SRF: variants seen among roughly 807,000 people sequenced by gnomAD.
The protein encoded by SRF is c-fos serum response element-binding transcription factor.
SRF carries 7 observed loss-of-function variants against 37.1 expected under a neutral mutation model. That is an observed-to-expected ratio of 0.19 (90% CI 0.11 to 0.35). The LOEUF (loss-of-function observed/expected upper bound fraction) is 0.35. Among genes scored for constraint, SRF ranks in the 10% least tolerant of loss-of-function variants. The pLI is 1.00. For synonymous variants in SRF, 285 were observed against 310.1 expected (o/e 0.92, Z 0.85); for missense variants, 395 against 694.4 (o/e 0.57, Z 4.85).
At position 43,175,710 on chromosome 6, in the gene SRF, C is replaced by T. The variant is rs772854310; in HGVS notation, c.785C>T (p.Thr262Ile). ...TCATCTTTACTCTGGGTATAGGACA[C>T]ACTGAAGCCGGCGTTCACAGTCACC... ...ESDSSGETKDTLKPAFTVTNL... is the reference protein window; with the variant it reads ...ESDSSGETKDILKPAFTVTNL... The change falls in exon 3 of 7, where the codon ACA becomes ATA. Residue 262 changes from threonine to isoleucine, a missense_variant. This residue lies in a region of SRF where 232 missense variants were observed against 335.6 expected (regional missense o/e 0.69). Coordinates refer to ENST00000265354, the MANE Select transcript of SRF (RefSeq NM_003131.4). The T allele has an allele frequency of 7.4e-6, 12 of 1,614,062 alleles. No individual in the cohort carries two copies. In the South Asian group the frequency reaches 7.7e-5, roughly 10 times the overall value.
rs200166395 is a variant in SRF at position 43,176,645 on chromosome 6, G to A, written c.1140G>A (p.Thr380=). ...SPSRDSSTDL[T]QTSSSGTVTL... is the part of the protein sequence containing the mutation. ...CCCGTGACAGCAGCACAGACCTCAC[G>A]CAGACCTCCTCCAGCGGGACAGGTA... The change falls in exon 4 of 7, where the codon ACG becomes ACA. Residue 380 remains threonine (T), a synonymous_variant. Coordinates refer to ENST00000265354, the MANE Select transcript of SRF (RefSeq NM_003131.4). This position sits in a 1 kb window ranked among gnomAD's most constrained non-coding sequence, Gnocchi z 4.0. The A allele has an allele frequency of 8.7e-6, 14 of 1,614,042 alleles. No individual in the cohort carries two copies. Among genetic ancestry groups the A allele is most frequent in the Middle Eastern group, 1.6e-4 (1 of 6,062 alleles).
At chr6:43,177,073 A>G (rs1772211732) in intron 4 of SRF, among the ~76,000 whole-genome samples, 1 of 152,156 alleles carries the variant, frequency 6.6e-6, no homozygotes, top group Admixed American at 6.5e-5. Flanking sequence ...AGAAATGATG[A>G]GATACTCTCA....
In SRF at chr6:43,173,996, G is replaced by T; in HGVS notation, c.663G>T (p.Ser221=). 6.2e-7 allele frequency: 1 copy of T among 1,614,078 alleles called. No individual in the cohort carries two copies. Among genetic ancestry groups the T allele is most frequent in the Non-Finnish European group, 8.5e-7 (1 of 1,180,000 alleles). ...CACTGATTCAGACCTGCCTCAACTC[G>T]CCAGACTCTCCACCCCGTTCAGACC... ...GKALIQTCLN[S]PDSPPRSDPT... The change falls in exon 2 of 7, where the codon TCG becomes TCT. Residue 221 remains serine, a synonymous_variant. Transcript: ENST00000265354. The surrounding 1 kb of genome is among the most constrained non-coding windows in gnomAD (Gnocchi z 4.2).
Position 43,179,539 on chromosome 6 carries a change from G to A in SRF, c.*349G>A. ...CCTCCCCACACACAGGCCTTCTGTG[G>A]GGCTGGGCACCGTGTCCTCCTCTGA... On this transcript the variant is annotated 3_prime_UTR_variant, in exon 7 of 7. Coordinates refer to ENST00000265354, the MANE Select transcript of SRF (RefSeq NM_003131.4). The surrounding 1 kb of genome is among the most constrained non-coding windows in gnomAD (Gnocchi z 5.3). The A allele has an allele frequency of 3.2e-6, 1 of 315,394 alleles. No homozygotes were observed. Among genetic ancestry groups the A allele is most frequent in the Non-Finnish European group, 6.1e-6 (1 of 162,848 alleles). The allele number at this position is 315,394 out of a possible 1,614,324, so 19.5% of individuals were successfully genotyped here. A position where few individuals can be genotyped will look rare whatever the true frequency, so the allele number is the denominator to read the frequency against.
At position 43,181,009 on chromosome 6, in the gene SRF, CAG is replaced by C. The variant is rs1427884971; in HGVS notation, c.*1820_*1821del. ...CTTTCAAGGCTGGGGCATGGCAAATCAGGGGCCAGAGAGCAGGGGAGCTTGGG... is the reference window on the plus strand; with the variant it reads ...CTTTCAAGGCTGGGGCATGGCAAATCGGGCCAGAGAGCAGGGGAGCTTGGG... On this transcript the variant is annotated 3_prime_UTR_variant, in exon 7 of 7. Transcript: ENST00000265354. 1 of 152,630 alleles carries C rather than the reference CAG, an allele frequency of 6.6e-6. No homozygotes were observed. The highest frequency in any genetic ancestry group is 2.4e-5 in the African/African-American group (1 of 41,428). 9.5% of individuals were successfully genotyped at this position (152,630 alleles called of 1,614,324 possible). A position where few individuals can be genotyped will look rare whatever the true frequency, so the allele number is the denominator to read the frequency against.
At chr6:43,177,809 G>C (rs558740316) in intron 4 of SRF, among the ~76,000 whole-genome samples, 1 of 151,416 alleles carries the variant, frequency 6.6e-6, no homozygotes, top group African/African-American at 2.4e-5. Context: ...CAGCTACTCG[G>C]GAGGCTGAGG....
In SRF at chr6:43,180,402, T is replaced by G. The variant is rs1582259091; in HGVS notation, c.*1212T>G. Reference sequence around the variant, plus strand: ...GAGCAGGGTGGGGTCTGGGAGGGGGTGAGAGGCAGGAATGGGGGTCAGAAG... The same window carrying G: ...GAGCAGGGTGGGGTCTGGGAGGGGGGGAGAGGCAGGAATGGGGGTCAGAAG... On this transcript the variant is annotated 3_prime_UTR_variant, in exon 7 of 7. Transcript: ENST00000265354. 2 of 150,214 alleles carry G rather than the reference T, an allele frequency of 1.3e-5. No individual in the cohort carries two copies. Among genetic ancestry groups the G allele is most frequent in the Admixed American group, 6.6e-5 (1 of 15,080 alleles). The allele number at this position is 150,214 out of a possible 1,614,324, so 9.3% of individuals were successfully genotyped here. A position where few individuals can be genotyped will look rare whatever the true frequency, so the allele number is the denominator to read the frequency against.
rs755987567 is a variant in SRF, at chr6:43,176,717, C to T, written c.1162+50C>T. ...TCCCTCCCTGCCTTCCCCCACGAGG[C>T]CTAGCAGTAGGTGCCCAACAGTAAC... On this transcript the variant is annotated intron_variant, in intron 4 of 6. Transcript: ENST00000265354. This position sits in a 1 kb window ranked among gnomAD's most constrained non-coding sequence, Gnocchi z 4.0. The T allele has an allele frequency of 6.9e-6, 11 of 1,594,306 alleles. No individual in the cohort carries two copies. Among genetic ancestry groups the T allele is most frequent in the Admixed American group, 5.1e-5 (3 of 58,886 alleles).
chr6:43,179,059 G>A lies in SRF; in HGVS notation c.1432-36G>A. 2 of 1,611,530 alleles carry A rather than the reference G, an allele frequency of 1.2e-6. No individual in the cohort carries two copies. Among genetic ancestry groups the A allele is most frequent in the South Asian group, 2.2e-5 (2 of 90,958 alleles). On this transcript the variant is annotated intron_variant, in intron 6 of 6. Transcript: ENST00000265354. This position sits in a 1 kb window ranked among gnomAD's most constrained non-coding sequence, Gnocchi z 5.3. Reference sequence around the variant, plus strand: ...CAGGGGAGCCTGAACTGGCTGGCCAGTCCCTGCCCCTCCTCATACATCCCC... The same window carrying A: ...CAGGGGAGCCTGAACTGGCTGGCCAATCCCTGCCCCTCCTCATACATCCCC...
In SRF at chr6:43,175,766, A is replaced by C; in HGVS notation, c.841A>C (p.Thr281Pro). 1 of 1,614,070 alleles carries C rather than the reference A, an allele frequency of 6.2e-7. No individual in the cohort carries two copies. Among genetic ancestry groups the C allele is most frequent in the South Asian group, 1.1e-5 (1 of 91,074 alleles). Residue 281 changes from threonine (T) to proline (P), a missense_variant, in exon 3 of 7, where the codon ACA becomes CCA. Transcript: ENST00000265354. ...GCCGGGTACAACCTCCACCATCCAA[A>C]CAGCACCTAGCACCTCTACCACCAT... is the stretch of plus-strand genomic sequence containing the variant. ...NLPGTTSTIQ[T>P]APSTSTTMQV...
Position 43,179,156 on chromosome 6 carries a change from ACCT to A in SRF, c.1494_1496del (p.Asn498_Leu499delinsLys), listed in dbSNP as rs1562001753. 6.2e-7 allele frequency: 1 copy of A among 1,614,240 alleles called. No homozygotes were observed. The highest frequency in any genetic ancestry group is 1.7e-5 in the Admixed American group (1 of 60,034). ...AACCTCACCGAGCTACAGGTGGTGA[ACCT>A]GGACACCGCCCACAGCACCAAGAGT... On this transcript the variant is annotated inframe_deletion, in exon 7 of 7. Transcript: ENST00000265354. This position sits in a 1 kb window ranked among gnomAD's most constrained non-coding sequence, Gnocchi z 5.3.
At position 43,175,909 on chromosome 6, in the gene SRF, C is replaced by A. The variant is rs777584646; in HGVS notation, c.984C>A (p.Ser328Arg). Residue 328 changes from serine (S) to arginine (R), a missense_variant, in exon 3 of 7, where the codon AGC (serine) becomes AGA (arginine). By Grantham distance (110) the Ser-to-Arg change is moderately radical. Coordinates refer to ENST00000265354, the MANE Select transcript of SRF (RefSeq NM_003131.4). ...ANGTVLKSTGSGPVSSGGLMQ... is the reference protein window; with the variant it reads ...ANGTVLKSTGRGPVSSGGLMQ... ...GGACTGTGCTGAAGAGTACAGGCAG[C>A]GGCCCTGTCTCCTCTGGGGGCCTTA... is the stretch of plus-strand genomic sequence containing the variant. 1.2e-6 allele frequency: 2 copies of A among 1,614,162 alleles called. No individual in the cohort carries two copies. The highest frequency in any genetic ancestry group is 2.2e-5 in the South Asian group (2 of 91,088).
chr6:43,177,482 G>A (rs112653102), intron 4 of SRF, among the ~76,000 whole-genome samples: 19,609 of 150,116 alleles, frequency 0.13, 2,067 homozygotes, highest in East Asian at 0.36. Flanking sequence ...CGCCCACCTC[G>A]GCCTCTCAAA....
In SRF at chr6:43,178,397, C is replaced by T; in HGVS notation, c.1266C>T (p.Gly422=). Residue 422 remains glycine (G), a synonymous_variant, in exon 5 of 7, where the codon GGC becomes GGT. Coordinates refer to ENST00000265354, the MANE Select transcript of SRF (RefSeq NM_003131.4). This position sits in a 1 kb window ranked among gnomAD's most constrained non-coding sequence, Gnocchi z 4.3. Reference sequence around the variant, plus strand: ...CGGTGATGTATGCCCCCACCTCGGGCCTGGGTGATGGCAGCCTCACCGTGC... The same window carrying T: ...CGGTGATGTATGCCCCCACCTCGGGTCTGGGTGATGGCAGCCTCACCGTGC... ...PHAVMYAPTS[G]LGDGSLTVLN... is the part of the protein sequence containing the mutation. The T allele has an allele frequency of 6.2e-7, 1 of 1,614,096 alleles. No homozygotes were observed. The highest frequency in any genetic ancestry group is 8.5e-7 in the Non-Finnish European group (1 of 1,180,036).
In SRF at chr6:43,172,020, G is replaced by A; in HGVS notation, c.364G>A (p.Gly122Arg). 6.3e-7 allele frequency: 1 copy of A among 1,588,346 alleles called. No homozygotes were observed. The highest frequency in any genetic ancestry group is 2.3e-5 in the East Asian group (1 of 43,736). The stretch of plus-strand genomic sequence containing the variant: ...GCCCGAGGCGTCGGCAGCGGCCACC[G>A]GGGGCTACGGGCCGGTGAGCGGCGC... ...GGPEASAAAT[G>R]GYGPVSGAVS... The change falls in exon 1 of 7, where the codon GGG (glycine) becomes AGG (arginine). Residue 122 changes from glycine to arginine, a missense_variant. By Grantham distance (125) the Gly-to-Arg change is moderately radical. Around this residue, in one of 4 missense-constraint regions of SRF, gnomAD observed 134 missense variants for 204.5 expected, o/e 0.66. Transcript: ENST00000265354. This position sits in a 1 kb window ranked among gnomAD's most constrained non-coding sequence, Gnocchi z 5.7.
At chr6:43,175,678 C>T (rs1162271664) in intron 2 of SRF, 28 bp from the exon 3 acceptor site, 2 of 1,611,960 alleles carry the variant, frequency 1.2e-6, no homozygotes, top group South Asian at 1.1e-5. Context: ...GGTAGGGGCT[C>T]ATTGCTTCAT....
chr6:43,177,732 G>T (rs576331257), intron 4 of SRF, among the ~76,000 whole-genome samples: 1 of 151,406 alleles, frequency 6.6e-6, no homozygotes, highest in East Asian at 2.0e-4. Flanking sequence ...TGGCTAACAC[G>T]GTGAAACTCC....
At chr6:43,177,481 C>T (rs1170416670) in intron 4 of SRF, among the ~76,000 whole-genome samples, 4 of 151,142 alleles carry the variant, frequency 2.6e-5, no homozygotes, top group Non-Finnish European at 5.9e-5. Flanking sequence ...CCGCCCACCT[C>T]GGCCTCTCAA....
rs760732415 is a variant in SRF, at chr6:43,178,448, C to T, written c.1317C>T (p.Ser439=). Residue 439 remains serine (S), a synonymous_variant, in exon 5 of 7, where the codon TCC becomes TCT. Coordinates refer to ENST00000265354, the MANE Select transcript of SRF (RefSeq NM_003131.4). The surrounding 1 kb of genome is among the most constrained non-coding windows in gnomAD (Gnocchi z 4.3). Reference sequence around the variant, plus strand: ...TGAATGCCTTCTCCCAGGCACCATCCACCATGCAGGTGTCACACAGCCAGG... The same window carrying T: ...TGAATGCCTTCTCCCAGGCACCATCTACCATGCAGGTGTCACACAGCCAGG... ...TVLNAFSQAP[S]TMQVSHSQVQ... 1.2e-6 allele frequency: 2 copies of T among 1,614,094 alleles called. No homozygotes were observed. Among genetic ancestry groups the T allele is most frequent in the Non-Finnish European group, 1.7e-6 (2 of 1,179,982 alleles).
Sources: allele counts gnomAD v4.1 joint callset (sites outside exome capture counted in the v4.1 genomes callset), GRCh38; gene constraint gnomAD v4.1.1; regional missense constraint gnomAD v4.1.1; non-coding constraint Gnocchi (gnomAD v3.1); transcripts MANE v1.5; gene names NCBI Gene and HGNC (gene_info 2026-07-23, HGNC 2026-07-21).